The following HERC3 variants were observed in gnomAD, a reference collection of about 807,000 sequenced individuals.
The protein encoded by HERC3 is probable E3 ubiquitin-protein ligase HERC3.
In HERC3, 58 loss-of-function variants were observed where a neutral mutation model predicts 129.9. That is an observed-to-expected ratio of 0.45 (90% confidence interval 0.36 to 0.56). HERC3 has a LOEUF of 0.56. HERC3 is among the 20% of genes least tolerant of loss of function. The pLI, the probability that HERC3 is intolerant of heterozygous loss-of-function variation, is 0.00. For missense variants in HERC3, 835 were observed against 1,244.2 expected, an observed-to-expected ratio of 0.67 and a Z score of 4.95; for synonymous variants, 430 against 451.0, an observed-to-expected ratio of 0.95 and a Z score of 0.59.
the HERC3 span, among the ~76,000 whole-genome samples, chr4:88,564,043 T>C: frequency 1.3e-5 from 2 of 152,206 alleles, no homozygotes; most frequent in African/African-American, 4.8e-5. Flanking sequence ...TCAATTGAAA[T>C]GATTGTATGG....
At chr4:88,634,206 C>T (rs1044079858) in intron 3 of HERC3, among the ~76,000 whole-genome samples, 2 of 152,170 alleles carry the variant, frequency 1.3e-5, no homozygotes, top group Non-Finnish European at 2.9e-5. Context: ...GCTTTTTCCA[C>T]GGAACTGTGC....
rs112830373 is a variant in HERC3, at chr4:88,687,900, A to G, written c.2657+601A>G. Among the ~76,000 whole-genome samples the G allele has an allele frequency of 6.8e-3, 1,038 of 152,306 alleles. 10 individuals carry two copies. The highest frequency in any genetic ancestry group is 0.024 in the African/African-American group (998 of 41,554). The stretch of plus-strand genomic sequence containing the variant: ...GAGTTAACTCTTTAGAGGAGAGAAG[A>G]TACTCAATTTTGCTTACTTTTATAT... On this transcript the variant is annotated intron_variant, in intron 23 of 25. Coordinates refer to ENST00000402738, the MANE Select transcript of HERC3 (RefSeq NM_014606.3).
chr4:88,690,763 A>G, intron 23 of HERC3: 1 of 241,138 alleles, frequency 4.1e-6, no homozygotes, highest in Non-Finnish European at 6.7e-6. Flanking sequence ...CTGAGTCTGA[A>G]TTTTTCTCCC....
intron 3 of HERC3, among the ~76,000 whole-genome samples, chr4:88,628,764 A>C (rs909687811): frequency 6.6e-6 from 1 of 152,214 alleles, no homozygotes; most frequent in African/African-American, 2.4e-5. Context: ...AAAATAGTAT[A>C]AAACAATCTG....
At chr4:88,679,971 C>T in intron 19 of HERC3, 122 bp from the exon 20 acceptor site, 1 of 751,412 alleles carries the variant, frequency 1.3e-6, no homozygotes, top group Non-Finnish European at 2.0e-6. Flanking sequence ...TTCATTGCAT[C>T]AGTGTGTATT....
At chr4:88,575,833 C>G in the HERC3 span, among the ~76,000 whole-genome samples, 2 of 152,150 alleles carry the variant, frequency 1.3e-5, no homozygotes. Flanking sequence ...CCATCAAACC[C>G]GGTTCAATTT....
chr4:88,698,560 G>A (rs575776314), intron 23 of HERC3, among the ~76,000 whole-genome samples: 2 of 151,568 alleles, frequency 1.3e-5, no homozygotes, highest in South Asian at 4.2e-4. Flanking sequence ...GCTTGAGGAG[G>A]GCTGAAAAAA....
At chr4:88,683,093 A>G (rs1434445547) in intron 21 of HERC3, among the ~76,000 whole-genome samples, 1 of 151,992 alleles carries the variant, frequency 6.6e-6, no homozygotes, top group South Asian at 2.1e-4. Context: ...GCATTTTTTC[A>G]TGTGTCTTTT....
At chr4:88,663,519 G>A (rs939497944) in intron 11 of HERC3, among the ~76,000 whole-genome samples, 2 of 152,054 alleles carry the variant, frequency 1.3e-5, no homozygotes, top group African/African-American at 4.8e-5. Context: ...TCTAAATTCT[G>A]TGATTAACAG....
chr4:88,681,733 A>C (rs1308179163), intron 21 of HERC3, among the ~76,000 whole-genome samples: 3 of 152,224 alleles, frequency 2.0e-5, no homozygotes, highest in Non-Finnish European at 4.4e-5. Context: ...TTGGGGGTAC[A>C]TGTGATAATA....
chr4:88,600,037 G>C (rs1029460849), intron 2 of HERC3, among the ~76,000 whole-genome samples: 1 of 152,052 alleles, frequency 6.6e-6, no homozygotes, highest in African/African-American at 2.4e-5. Flanking sequence ...GTAAATTAGA[G>C]ATAATGGCAG....
intron 3 of HERC3, among the ~76,000 whole-genome samples, chr4:88,613,544 C>T (rs1161316702): frequency 6.6e-6 from 1 of 152,218 alleles, no homozygotes; most frequent in African/African-American, 2.4e-5. Flanking sequence ...CAACCAGCTT[C>T]TCAGGTTGCT....
At chr4:88,570,639 C>T in the HERC3 span, among the ~76,000 whole-genome samples, 1 of 152,156 alleles carries the variant, frequency 6.6e-6, no homozygotes, top group African/African-American at 2.4e-5. Flanking sequence ...TGGAGTTTAG[C>T]TGATGTTAGT....
chr4:88,618,761 C>G (rs1432439671), intron 3 of HERC3, among the ~76,000 whole-genome samples: 1 of 152,206 alleles, frequency 6.6e-6, no homozygotes, highest in African/African-American at 2.4e-5. Flanking sequence ...AAAAACAAAA[C>G]AAAGTCATGT....
intron 3 of HERC3, among the ~76,000 whole-genome samples, chr4:88,631,056 G>T (rs1578202146): frequency 6.6e-6 from 1 of 152,266 alleles, no homozygotes; most frequent in East Asian, 1.9e-4. Context: ...TAGATTTATG[G>T]CTTTAAGAAG....
intron 3 of HERC3, among the ~76,000 whole-genome samples, chr4:88,643,184 AT>A (rs950923724): frequency 6.6e-6 from 1 of 152,200 alleles, no homozygotes; most frequent in African/African-American, 2.4e-5. Flanking sequence ...AACAAAACAT[AT>A]ATAAGATTTA....
At chr4:88,546,412 T>A in the HERC3 span, among the ~76,000 whole-genome samples, 1 of 152,230 alleles carries the variant, frequency 6.6e-6, no homozygotes, top group Non-Finnish European at 1.5e-5. Context: ...AAGGAGAACT[T>A]GAATATTATT....
At chr4:88,684,775 A>G (rs1250357745) in intron 21 of HERC3, 7 of 152,296 alleles carry the variant, frequency 4.6e-5, no homozygotes, top group Non-Finnish European at 7.3e-5. Context: ...CAAATTTACA[A>G]GAAAAAAACA....
chr4:88,667,465 C>T lies in HERC3; in HGVS notation c.1420C>T (p.Gln474Ter). ...GTTATTTGAGAAGTTAATGAACTCT[C>T]AGCACTCCATGATTCTAGAACAGGT... ...RVLFEKLMNS[Q>*]HSMILEQILN... Residue 474 changes from glutamine to a stop codon, truncating the protein, a stop_gained, in exon 13 of 26, where the codon CAG becomes TAG. Coordinates refer to ENST00000402738, the MANE Select transcript of HERC3 (RefSeq NM_014606.3). LOFTEE classifies it high-confidence loss of function. 6.3e-7 allele frequency: 1 copy of T among 1,599,424 alleles called. No individual in the cohort carries two copies. The highest frequency in any genetic ancestry group is 8.6e-7 in the Non-Finnish European group (1 of 1,169,204).
Sources: gnomAD v4.1 joint callset for allele counts (sites outside exome capture counted in the v4.1 genomes callset) on GRCh38, gnomAD v4.1.1 for gene constraint, MANE v1.5 for transcripts, NCBI Gene and HGNC (gene_info 2026-07-23, HGNC 2026-07-21) for gene names.